The following RDH13 variants were observed in gnomAD, a reference collection of about 807,000 sequenced individuals.
RDH13 encodes the protein retinol dehydrogenase 13 (all-trans and 9-cis).
In RDH13, 35 loss-of-function variants were observed where a neutral mutation model predicts 28.3. That is an observed-to-expected ratio of 1.24 (90% CI 0.95 to 1.64). RDH13 has a LOEUF of 1.64. RDH13 is among the 40% of genes most tolerant of loss of function. RDH13 has a pLI of 0.00. For missense variants in RDH13, 514 were observed against 446.3 expected (o/e 1.15, Z -1.37); for synonymous variants, 229 against 198.5 (o/e 1.15, Z -1.29).
intron 1 of RDH13, among the ~76,000 whole-genome samples, chr19:55,062,226 C>A (rs1043828742): frequency 6.6e-6 from 1 of 151,434 alleles, no homozygotes; most frequent in Non-Finnish European, 1.5e-5. Flanking sequence ...TACGGAGTCA[C>A]GACTCTGCCC....
intron 3 of RDH13, 121 bp downstream of exon 3, chr19:55,056,532 C>G: frequency 2.3e-6 from 3 of 1,280,284 alleles, no homozygotes; most frequent in Non-Finnish European, 3.2e-6. Flanking sequence ...TGGACTTGGC[C>G]CCTAACTCAT....
chr19:55,039,236 AAAG>A (rs1391875904), exon 3 of RDH13: 1 of 152,230 alleles, frequency 6.6e-6, no homozygotes, highest in Non-Finnish European at 1.5e-5. Context: ...GCCTTAACTA[AAAG>A]AATAAAAATC....
chr19:55,042,504 C>T (rs2075064195), downstream of RDH13: 1 of 152,180 alleles, frequency 6.6e-6, no homozygotes, highest in Non-Finnish European at 1.5e-5. Flanking sequence ...GAAAGAGTGC[C>T]TGGGTGAGTC....
intron 3 of RDH13, among the ~76,000 whole-genome samples, chr19:55,052,279 G>A (rs866633993): frequency 6.6e-6 from 1 of 151,588 alleles, no homozygotes; most frequent in Admixed American, 6.6e-5. Context: ...ATGGTGGCAG[G>A]TGCCTGTAAT....
At chr19:55,069,062 A>G (rs1328671298) in intron 1 of RDH13, among the ~76,000 whole-genome samples, 1 of 146,666 alleles carries the variant, frequency 6.8e-6, no homozygotes, top group Non-Finnish European at 1.5e-5. Context: ...CTGGGGTCCT[A>G]TCCCCGTCAC....
chr19:55,064,813 A>C (rs1322971828), upstream of RDH13, among the ~76,000 whole-genome samples: 1 of 150,026 alleles, frequency 6.7e-6, no homozygotes, highest in Admixed American at 7.0e-5. Context: ...GGGTTTCACC[A>C]TGTTGGCCAG....
upstream of RDH13, among the ~76,000 whole-genome samples, chr19:55,064,928 A>AATAG (rs2075932321): frequency 7.7e-6 from 1 of 129,040 alleles, no homozygotes. Context: ...GCTGTTTTTT[A>AATAG]ATAGATACAG....
chr19:55,067,957 C>G (rs2075988752), upstream of RDH13, among the ~76,000 whole-genome samples: 1 of 147,440 alleles, frequency 6.8e-6, no homozygotes, highest in African/African-American at 2.5e-5. Context: ...CTGTCCCCCT[C>G]CTCCGTGTCT....
chr19:55,062,045 A>G (rs1220731628), intron 1 of RDH13, among the ~76,000 whole-genome samples: 1 of 151,604 alleles, frequency 6.6e-6, no homozygotes, highest in Non-Finnish European at 1.5e-5. Context: ...TGAACCCGGG[A>G]GGTGGAGGTT....
intron 2 of RDH13, among the ~76,000 whole-genome samples, chr19:55,057,264 TAC>T (rs1455392259): frequency 6.6e-6 from 1 of 152,144 alleles, no homozygotes; most frequent in Non-Finnish European, 1.5e-5. Flanking sequence ...GCTTGATAGT[TAC>T]AGTGAGCAGG....
intron 2 of RDH13, 87 bp from the exon 3 acceptor site, chr19:55,056,895 A>G (rs944796874): frequency 9.5e-6 from 11 of 1,157,914 alleles, no homozygotes; most frequent in Non-Finnish European, 1.3e-5. Flanking sequence ...CGTCTACACA[A>G]AAACACATCC....
intron 5 of RDH13, chr19:55,048,065 G>A (rs2075295872): frequency 6.7e-7 from 1 of 1,482,314 alleles, no homozygotes; most frequent in South Asian, 1.3e-5. Context: ...CCAAAAGGCT[G>A]AGCTGCCTGC....
intron 6 of RDH13, among the ~76,000 whole-genome samples, chr19:55,046,186 G>A (rs2146990163): frequency 6.6e-6 from 1 of 151,136 alleles, no homozygotes; most frequent in South Asian, 2.1e-4. Context: ...GGCAGAGGTT[G>A]GAGTGAGCCA....
chr19:55,046,286 G>C (rs954304763), intron 6 of RDH13, among the ~76,000 whole-genome samples: 105 of 149,564 alleles, frequency 7.0e-4, no homozygotes, highest in Non-Finnish European at 1.2e-3. Flanking sequence ...ATTGAGACCT[G>C]GTGTCTTGCT....
intron 3 of RDH13, among the ~76,000 whole-genome samples, chr19:55,055,745 T>C (rs1274817909): frequency 1.3e-5 from 2 of 150,892 alleles, no homozygotes; most frequent in Non-Finnish European, 2.9e-5. Context: ...CCCAGCTACT[T>C]GGGAGGCTGA....
intron 3 of RDH13, among the ~76,000 whole-genome samples, chr19:55,049,789 C>CAAAA (rs71181733): frequency 1.6e-5 from 2 of 126,504 alleles, no homozygotes; most frequent in East Asian, 2.3e-4. Context: ...AACTCCATCT[C>CAAAA]AAAAAAAAAA....
intron 6 of RDH13, among the ~76,000 whole-genome samples, chr19:55,046,280 A>T (rs546711260): frequency 2.7e-5 from 4 of 148,596 alleles, no homozygotes; most frequent in Non-Finnish European, 5.9e-5. Flanking sequence ...TTATTTATTG[A>T]GACCTGGTGT....
chr19:55,065,842 T>C (rs1414275943), upstream of RDH13, among the ~76,000 whole-genome samples: 7 of 152,146 alleles, frequency 4.6e-5, no homozygotes, highest in Non-Finnish European at 8.8e-5. Flanking sequence ...CTCAGCCTCA[T>C]GAGTAGCTGG....
At position 55,048,363 on chromosome 19, in the gene RDH13, G is replaced by A. The variant is rs753414835; in HGVS notation, c.624C>T (p.Val208=). The A allele has an allele frequency of 1.5e-5, 24 of 1,614,034 alleles. No homozygotes were observed. Among genetic ancestry groups the A allele is most frequent in the Non-Finnish European group, 1.8e-5 (21 of 1,180,034 alleles). ...AAYCQSKLAI[V]LFTKELSRRL... ...GCCGGCTCAGCTCCTTGGTGAAGAG[G>A]ACGATGGCGAGCTTGCTCTGGCAGT... The change falls in exon 5 of 7, where the codon GTC becomes GTT. Residue 208 remains valine, a synonymous_variant. Coordinates refer to ENST00000415061, the MANE Select transcript of RDH13 (RefSeq NM_001145971.2).
Sources: allele counts gnomAD v4.1 joint callset (sites outside exome capture counted in the v4.1 genomes callset), GRCh38; gene constraint gnomAD v4.1.1; transcripts MANE v1.5; gene names NCBI Gene and HGNC (gene_info 2026-07-23, HGNC 2026-07-21).